VRK2: variants seen among roughly 807,000 people sequenced by gnomAD.
VRK2 encodes VRK serine/threonine kinase 2.
In VRK2, 60 loss-of-function variants were observed where a neutral mutation model predicts 57.6. The ratio of observed to expected loss-of-function variants is 1.04; its 90% confidence interval spans 0.85 to 1.29. VRK2 has a LOEUF of 1.29. VRK2 is among the 50% of genes most tolerant of loss of function. VRK2 has a pLI of 0.00. For missense variants in VRK2, 705 were observed against 588.1 expected, an observed-to-expected ratio of 1.20 and a Z score of -2.06; for synonymous variants, 231 against 199.2, an observed-to-expected ratio of 1.16 and a Z score of -1.35.
chr2:58,092,893 T>C (rs749592307), intron 7 of VRK2, among the ~76,000 whole-genome samples: 45 of 152,206 alleles, frequency 3.0e-4, no homozygotes, highest in Non-Finnish European at 5.3e-4. Context: ...AATTCCCACC[T>C]ATGAGTAAGA....
chr2:58,139,031 T>C (rs1680940621), intron 10 of VRK2, among the ~76,000 whole-genome samples: 1 of 152,008 alleles, frequency 6.6e-6, no homozygotes, highest in Non-Finnish European at 1.5e-5. Flanking sequence ...TTCTTTACAC[T>C]AGAGAAAAAA....
chr2:58,134,462 T>C (rs566001221), intron 9 of VRK2, among the ~76,000 whole-genome samples: 1 of 148,140 alleles, frequency 6.8e-6, no homozygotes, highest in South Asian at 2.2e-4. Flanking sequence ...ATACAAAAAA[T>C]TAGCCGGGCG....
At chr2:57,990,899 T>C (rs1173555810) in intron 1 of VRK2, among the ~76,000 whole-genome samples, 2 of 148,312 alleles carry the variant, frequency 1.3e-5, no homozygotes, top group African/African-American at 5.0e-5. Context: ...ACACACACAA[T>C]TAAACAAAAG....
intron 8 of VRK2, among the ~76,000 whole-genome samples, chr2:58,129,926 C>CA (rs1459657565): frequency 2.9e-4 from 44 of 151,766 alleles, no homozygotes; most frequent in Admixed American, 2.6e-3. Flanking sequence ...TACCGATGTG[C>CA]AAAAAAGAAA....
At chr2:58,022,344 T>C (rs556444201) in intron 1 of VRK2, among the ~76,000 whole-genome samples, 25 of 152,360 alleles carry the variant, frequency 1.6e-4, no homozygotes, top group African/African-American at 5.5e-4. Flanking sequence ...TGGAATGCTA[T>C]AATGCTTGAC....
intron 1 of VRK2, among the ~76,000 whole-genome samples, chr2:57,988,282 T>C (rs1352066858): frequency 6.6e-6 from 1 of 152,208 alleles, no homozygotes; most frequent in Non-Finnish European, 1.5e-5. Flanking sequence ...CTTCACATAG[T>C]TTTATGATTT....
At chr2:58,043,230 G>A (rs1674533505), upstream of VRK2, among the ~76,000 whole-genome samples, 1 of 152,116 alleles carries the variant, frequency 6.6e-6, no homozygotes, top group African/African-American at 2.4e-5. Flanking sequence ...TGAAAATATG[G>A]TGGTTCAGGA....
At chr2:58,040,935 C>T (rs959356234) in intron 3 of VRK2, 1 of 706,398 alleles carries the variant, frequency 1.4e-6, no homozygotes. Context: ...CACAGGAAAA[C>T]TATTTCTTAC....
rs780517094 is a variant in VRK2, at chr2:58,084,936, C to CA, written c.249dup (p.Asp84ArgfsTer13). On this transcript the variant is annotated frameshift_variant, in exon 4 of 13. Coordinates refer to ENST00000340157, the MANE Select transcript of VRK2 (RefSeq NM_006296.7). LOFTEE classifies it high-confidence loss of function. ...GAACTTAAATTTTATCAGAGAGTTG[C>CA]AAAAAAAGACTGTAGTAAGTAAAAT... The CA allele has an allele frequency of 2.5e-6, 4 of 1,581,030 alleles. No homozygotes were observed. Among genetic ancestry groups the CA allele is most frequent in the East Asian group, 2.3e-5 (1 of 43,836 alleles).
At chr2:57,957,306 T>G (rs1671616293) in intron 1 of VRK2, among the ~76,000 whole-genome samples, 1 of 152,038 alleles carries the variant, frequency 6.6e-6, no homozygotes, top group Non-Finnish European at 1.5e-5. Context: ...GAAAAATAAA[T>G]AAGTACCACG....
At chr2:58,071,611 A>G (rs1669368792) in intron 2 of VRK2, among the ~76,000 whole-genome samples, 1 of 151,950 alleles carries the variant, frequency 6.6e-6, no homozygotes. Context: ...ATATTTGACT[A>G]TATCGGGTCT....
chr2:57,969,842 G>T (rs879595397), intron 1 of VRK2, among the ~76,000 whole-genome samples: 31 of 151,932 alleles, frequency 2.0e-4, no homozygotes, highest in Admixed American at 5.3e-4. Flanking sequence ...TGATTTGGTA[G>T]CCCCATTGTC....
chr2:58,123,251 TTTTC>T lies in VRK2; in HGVS notation c.676+21_676+24del, dbSNP rs1313413306. 31 of 1,571,950 alleles carry T rather than the reference TTTTC, an allele frequency of 2.0e-5. No individual in the cohort carries two copies. Among genetic ancestry groups the T allele is most frequent in the Non-Finnish European group, 2.6e-5 (30 of 1,168,310 alleles). On this transcript the variant is annotated intron_variant, in intron 8 of 12. Coordinates refer to ENST00000340157, the MANE Select transcript of VRK2 (RefSeq NM_006296.7). Reference sequence around the variant, plus strand: ...GGGAGTAGGTGGGTTTCTTTTTTCTTTTTCTTATTTTTATTTCAGAAGAATGATT... The same window carrying T: ...GGGAGTAGGTGGGTTTCTTTTTTCTTTTATTTTTATTTCAGAAGAATGATT...
intron 7 of VRK2, among the ~76,000 whole-genome samples, chr2:58,107,520 CATT>C (rs1217882654): frequency 3.3e-5 from 5 of 152,240 alleles, no homozygotes; most frequent in African/African-American, 7.2e-5. Flanking sequence ...ATCAGTCTCT[CATT>C]ATGAGACTTT....
chr2:57,948,677 C>T (rs1369298784), intron 1 of VRK2, among the ~76,000 whole-genome samples: 1 of 151,956 alleles, frequency 6.6e-6, no homozygotes, highest in African/African-American at 2.4e-5. Context: ...ATTTGGATAC[C>T]ATCTGTGTAC....
At chr2:57,996,895 A>AT (rs57809846) in intron 1 of VRK2, among the ~76,000 whole-genome samples, 18,621 of 151,656 alleles carry the variant, frequency 0.12, 1,216 homozygotes, top group East Asian at 0.19. Flanking sequence ...TATTGTTTTC[A>AT]TTTTTTTTCC....
chr2:57,934,744 T>G (rs1218351252), intron 1 of VRK2, among the ~76,000 whole-genome samples: 1 of 152,176 alleles, frequency 6.6e-6, no homozygotes, highest in East Asian at 1.9e-4. Context: ...TCCCATAGCC[T>G]TTCTTTATTC....
At chr2:58,141,413 A>G (rs1040279806) in intron 11 of VRK2, among the ~76,000 whole-genome samples, 4 of 152,016 alleles carry the variant, frequency 2.6e-5, no homozygotes, top group Non-Finnish European at 4.4e-5. Flanking sequence ...TTTTATATGT[A>G]GAGAATAGAA....
intron 1 of VRK2, among the ~76,000 whole-genome samples, chr2:57,949,207 A>G (rs1251094962): frequency 1.3e-5 from 2 of 152,154 alleles, no homozygotes; most frequent in Non-Finnish European, 2.9e-5. Flanking sequence ...CAAAAATAGA[A>G]GGGCTCTGAT....
Sources: allele counts gnomAD v4.1 joint callset (sites outside exome capture counted in the v4.1 genomes callset), GRCh38; gene constraint gnomAD v4.1.1; transcripts MANE v1.5; gene names NCBI Gene and HGNC (gene_info 2026-07-23, HGNC 2026-07-21).